DMD: variants seen among roughly 807,000 people sequenced by gnomAD.
The protein encoded by DMD is dystrophin, also known as mutant dystrophin.
A neutral mutation model predicts 330.1 loss-of-function variants in DMD; 63 were observed. The observed-to-expected ratio is 0.19, with a 90% CI of 0.16 to 0.24. The LOEUF is 0.24. Ranked by LOEUF, DMD falls within the 10% of genes least tolerant of loss-of-function variation. The pLI is 1.00. For missense variants in DMD, 3,344 were observed against 2,684.1 expected (o/e 1.25, Z -5.43); for synonymous variants, 1,223 against 959.8 (o/e 1.27, Z -5.07).
At chrX:32,636,564 C>G (rs181632020) in intron 11 of DMD, among the ~76,000 whole-genome samples, 199 of 112,205 alleles carry the variant, frequency 1.8e-3, no homozygotes, top group Non-Finnish European at 3.1e-3. Context: ...ATCCATATAG[C>G]TGAACAGTTT....
At chrX:32,217,387 T>A (rs554715090) in intron 43 of DMD, among the ~76,000 whole-genome samples, 2 of 111,836 alleles carry the variant, frequency 1.8e-5, no homozygotes, top group African/African-American at 3.2e-5. Flanking sequence ...CCTAAAAATA[T>A]ATTTTTTTAA....
chrX:32,826,750 T>C (rs1237227293), intron 4 of DMD, among the ~76,000 whole-genome samples: 2 of 111,208 alleles, frequency 1.8e-5, no homozygotes, highest in Non-Finnish European at 3.8e-5. Flanking sequence ...TTACATTTAA[T>C]AGGAATAAAT....
At chrX:31,969,580 T>A (rs1464252518) in intron 44 of DMD, among the ~76,000 whole-genome samples, 1 of 111,371 alleles carries the variant, frequency 9.0e-6, no homozygotes. Flanking sequence ...AATAGCAAGC[T>A]GACAGTAGAC....
chrX:33,196,875 G>A, intron 1 of DMD, among the ~76,000 whole-genome samples: 1 of 111,189 alleles, frequency 9.0e-6, no homozygotes, highest in South Asian at 3.8e-4. Context: ...TTTGTAGGTA[G>A]AGGCAAGTTT....
In DMD at chrX:31,966,726, T is replaced by C. The variant is rs778064232; in HGVS notation, c.6614+1613A>G. 7.2e-5 allele frequency among the ~76,000 whole-genome samples: 8 copies of C among 111,079 alleles called. No homozygotes were observed. In the South Asian group the frequency reaches 2.6e-3, roughly 36 times the overall value. ...ATCTAAAATTTTAGAGCTTATTTGG[T>C]GAAACAGGCATATTGCTACATCTTT... On this transcript the variant is annotated intron_variant, in intron 45 of 78. Transcript: ENST00000357033.
chrX:31,234,610 T>C (rs2047543022), intron 63 of DMD, among the ~76,000 whole-genome samples: 1 of 111,858 alleles, frequency 8.9e-6, no homozygotes, highest in African/African-American at 3.3e-5. Flanking sequence ...GGGTTAAAGA[T>C]TCAGGTTTCT....
intron 2 of DMD, among the ~76,000 whole-genome samples, chrX:32,862,973 G>T (rs1055759334): frequency 2.7e-5 from 3 of 110,292 alleles, no homozygotes; most frequent in Non-Finnish European, 5.7e-5. Flanking sequence ...TCCTGACCTC[G>T]TGATCCACCT....
At chrX:33,010,291 T>C (rs1355389954) in intron 2 of DMD, among the ~76,000 whole-genome samples, 1 of 92,053 alleles carries the variant, frequency 1.1e-5, no homozygotes, top group East Asian at 3.8e-4. Flanking sequence ...TATATGTGTG[T>C]AAATATGTAT....
intron 15 of DMD, among the ~76,000 whole-genome samples, chrX:32,568,589 T>C (rs1333007408): frequency 1.8e-5 from 2 of 111,505 alleles, no homozygotes; most frequent in African/African-American, 3.3e-5. Flanking sequence ...TGTGTGATTA[T>C]TGAATAAATG....
intron 7 of DMD, among the ~76,000 whole-genome samples, chrX:32,774,007 T>C (rs2073900024): frequency 9.0e-6 from 1 of 111,182 alleles, no homozygotes; most frequent in African/African-American, 3.3e-5. Context: ...AAAAACACAT[T>C]AAATGATAGG....
intron 2 of DMD, among the ~76,000 whole-genome samples, chrX:32,878,328 A>G (rs1216804043): frequency 8.9e-6 from 1 of 111,753 alleles, no homozygotes; most frequent in Non-Finnish European, 1.9e-5. Context: ...CAGTGAGCCG[A>G]GATTGCTCCA....
chrX:32,562,417 G>T (rs762382715), intron 16 of DMD, among the ~76,000 whole-genome samples: 3 of 112,511 alleles, frequency 2.7e-5, no homozygotes, highest in Non-Finnish European at 3.8e-5. Flanking sequence ...GCTCTGACCT[G>T]AACAGCAATC....
At chrX:32,039,822 T>C (rs1289616492) in intron 44 of DMD, among the ~76,000 whole-genome samples, 2 of 111,552 alleles carry the variant, frequency 1.8e-5, no homozygotes, top group African/African-American at 6.5e-5. Context: ...CCCAAGCCTC[T>C]GTTAACCATG....
intron 1 of DMD, among the ~76,000 whole-genome samples, chrX:33,254,452 A>C (rs2052822343): frequency 9.0e-6 from 1 of 110,648 alleles, no homozygotes; most frequent in East Asian, 2.8e-4. Flanking sequence ...ATGGTTAGCA[A>C]ATTTTTGAAT....
intron 29 of DMD, among the ~76,000 whole-genome samples, chrX:32,412,651 C>T (rs1383819574): frequency 2.7e-5 from 3 of 111,380 alleles, no homozygotes; most frequent in Admixed American, 9.6e-5. Flanking sequence ...GAAAGTCTCC[C>T]TTCAAGGATC....
chrX:32,844,981 G>A lies in DMD; in HGVS notation c.187-121C>T, dbSNP rs879178441. ...ATTGTAAACGAACAGAGCCTGTGAG[G>A]CATTAATATAATGAATCTAAATACT... On this transcript the variant is annotated intron_variant, in intron 3 of 78. Transcript: ENST00000357033. The A allele has an allele frequency of 6.7e-6, 4 of 598,541 alleles. No homozygotes were observed. The South Asian group carries it at 9.6e-5, about 14-fold the overall frequency. The allele number at this position is 598,541 out of a possible 1,213,427, so 49.3% of individuals were successfully genotyped here. A position where few individuals can be genotyped will look rare whatever the true frequency, so the allele number is the denominator to read the frequency against.
At chrX:32,916,347 G>A (rs1018340688) in intron 2 of DMD, among the ~76,000 whole-genome samples, 2 of 111,314 alleles carry the variant, frequency 1.8e-5, no homozygotes, top group Admixed American at 9.6e-5. Context: ...ATTGAGTCAG[G>A]TGTGATACTG....
At chrX:32,332,087 G>A (rs1408255591) in intron 41 of DMD, among the ~76,000 whole-genome samples, 1 of 111,318 alleles carries the variant, frequency 9.0e-6, no homozygotes, top group Non-Finnish European at 1.9e-5. Context: ...TCGATTTAAT[G>A]ATTAGTATAA....
At chrX:32,607,123 A>AC in intron 12 of DMD, among the ~76,000 whole-genome samples, 1 of 109,847 alleles carries the variant, frequency 9.1e-6, no homozygotes, top group East Asian at 2.9e-4. Flanking sequence ...CTGCACATGC[A>AC]CCCCCTCAAT....
Sources: allele counts gnomAD v4.1 joint callset (sites outside exome capture counted in the v4.1 genomes callset), GRCh38; gene constraint gnomAD v4.1.1; transcripts MANE v1.5; gene names NCBI Gene and HGNC (gene_info 2026-07-23, HGNC 2026-07-21).